The following AMZ1 variants were observed in gnomAD, a reference collection of about 807,000 sequenced individuals.
The protein encoded by AMZ1 is archaelysin family metallopeptidase 1.
AMZ1 carries 39 observed loss-of-function variants against 29.9 expected under a neutral mutation model. The observed-to-expected ratio is 1.30, with a 90% CI of 1.01 to 1.70. The LOEUF (loss-of-function observed/expected upper bound fraction) is 1.70, where lower values mean the gene tolerates loss of function less well. Among genes scored for constraint, AMZ1 ranks in the 40% most tolerant of loss-of-function variants. AMZ1 has a pLI of 0.00. For missense variants in AMZ1, 1,041 were observed against 680.6 expected (o/e 1.53, Z -5.89); for synonymous variants, 458 against 304.0 (o/e 1.51, Z -5.27).
rs898709457 is a variant in AMZ1, at chr7:2,713,348, G to C, written c.*470G>C. 2.0e-5 allele frequency: 3 copies of C among 152,970 alleles called. No individual in the cohort carries two copies. Among genetic ancestry groups the C allele is most frequent in the African/African-American group, 7.2e-5 (3 of 41,492 alleles). 9.5% of individuals were successfully genotyped at this position (152,970 alleles called of 1,614,324 possible). ...TCCCAGGGGCCTGCACACATGGAGA[G>C]GCCTCCCTGATCCTGGGTGCTTCTC... On this transcript the variant is annotated 3_prime_UTR_variant, in exon 7 of 7. Transcript: ENST00000683327.
intron 1 of AMZ1, among the ~76,000 whole-genome samples, chr7:2,695,888 T>C (rs1480405365): frequency 6.6e-6 from 1 of 151,232 alleles, no homozygotes; most frequent in African/African-American, 2.4e-5. Context: ...CGGGCACCTG[T>C]AGTCCCAGCT....
chr7:2,709,495 T>TG (rs1397197152), intron 5 of AMZ1, 145 bp from the exon 6 acceptor site: 1 of 1,306,236 alleles, frequency 7.7e-7, no homozygotes, highest in African/African-American at 1.5e-5. Context: ...CTGTGCCGCC[T>TG]GGGGCAGGGG....
upstream of AMZ1, among the ~76,000 whole-genome samples, chr7:2,687,748 C>G (rs546354323): frequency 5.3e-5 from 8 of 151,762 alleles, no homozygotes; most frequent in Admixed American, 5.2e-4. Flanking sequence ...ACCTGGTGGC[C>G]TCGTTCACCC....
At chr7:2,749,215 T>C (rs1409374720) in intron 4 of AMZ1, among the ~76,000 whole-genome samples, 9 of 152,214 alleles carry the variant, frequency 5.9e-5, no homozygotes, top group African/African-American at 2.2e-4. Context: ...TGCACACGTG[T>C]GTTTATTGCG....
intron 4 of AMZ1, among the ~76,000 whole-genome samples, chr7:2,732,252 A>G (rs1264253656): frequency 1.3e-5 from 2 of 152,298 alleles, no homozygotes; most frequent in East Asian, 3.9e-4. Context: ...TTGACTTTGC[A>G]CTATTAATAA....
intron 1 of AMZ1, among the ~76,000 whole-genome samples, chr7:2,695,390 T>C (rs540012142): frequency 6.6e-6 from 1 of 152,226 alleles, no homozygotes; most frequent in South Asian, 2.1e-4. Flanking sequence ...GGGGCCCTGC[T>C]TCCCATGGTG....
chr7:2,707,737 A>T (rs1197244881), intron 3 of AMZ1, among the ~76,000 whole-genome samples: 3 of 150,878 alleles, frequency 2.0e-5, no homozygotes, highest in Non-Finnish European at 4.4e-5. Context: ...TCCTTGGCTA[A>T]TGGTCCTTCC....
intron 3 of AMZ1, among the ~76,000 whole-genome samples, chr7:2,708,119 GGCCT>G (rs1352550932): frequency 6.6e-6 from 1 of 152,112 alleles, no homozygotes; most frequent in Non-Finnish European, 1.5e-5. Flanking sequence ...CACTGTGCCC[GGCCT>G]TACCGAGGGT....
At chr7:2,764,196 C>T (rs865774515), upstream of AMZ1, among the ~76,000 whole-genome samples, 28 of 151,860 alleles carry the variant, frequency 1.8e-4, no homozygotes, top group South Asian at 1.0e-3. Context: ...CCTCAGCCTC[C>T]TGAGTAGCTG....
At chr7:2,690,027 G>T (rs999353035) in intron 1 of AMZ1, among the ~76,000 whole-genome samples, 1 of 152,182 alleles carries the variant, frequency 6.6e-6, no homozygotes, top group East Asian at 1.9e-4. Flanking sequence ...CCACGAAGAC[G>T]AATGTGGCCA....
chr7:2,759,520 G>C (rs554684489), intron 4 of AMZ1, among the ~76,000 whole-genome samples: 1 of 152,336 alleles, frequency 6.6e-6, no homozygotes, highest in East Asian at 1.9e-4. Flanking sequence ...AAAAAGACAA[G>C]TAAAAGGAAA....
At chr7:2,709,396 A>T (rs949397975) in intron 5 of AMZ1, 152 bp downstream of exon 5, 1 of 1,049,560 alleles carries the variant, frequency 9.5e-7, no homozygotes, top group Non-Finnish European at 1.3e-6. Flanking sequence ...ACAGCTATGA[A>T]GCAGCAGGGG....
chr7:2,697,601 T>G (rs1191420445), intron 1 of AMZ1, among the ~76,000 whole-genome samples: 2 of 151,902 alleles, frequency 1.3e-5, no homozygotes, highest in Non-Finnish European at 2.9e-5. Context: ...TTTTTTGTGT[T>G]TTTAGTAGAG....
chr7:2,700,817 G>C (rs1036589082), intron 2 of AMZ1, 62 bp downstream of exon 2: 58 of 1,563,198 alleles, frequency 3.7e-5, no homozygotes, highest in Admixed American at 6.9e-5. Context: ...TAGCACAAGT[G>C]GGGGATGTCT....
upstream of AMZ1, among the ~76,000 whole-genome samples, chr7:2,764,380 G>C (rs1462872410): frequency 6.6e-6 from 1 of 152,062 alleles, no homozygotes. Context: ...CCCGCATCCA[G>C]GCAGTCTGGT....
chr7:2,756,790 AGTT>A (rs1791319551), intron 4 of AMZ1, among the ~76,000 whole-genome samples: 1 of 152,190 alleles, frequency 6.6e-6, no homozygotes, highest in Admixed American at 6.5e-5. Flanking sequence ...GGTTACTTTA[AGTT>A]AGTCAAAGAG....
rs1790817528 is a variant in AMZ1 at position 2,747,355 on chromosome 7, G to C, written n.551-17357G>C. Among the ~76,000 whole-genome samples the C allele has an allele frequency of 2.0e-5, 3 of 152,196 alleles. No homozygotes were observed. The South Asian group carries it at 6.2e-4, about 31-fold the overall frequency. On this transcript the variant is annotated intron_variant and non_coding_transcript_variant, in intron 4 of 4. Transcript: ENST00000489665. ...GTTGGGCTTCATCCCTGGGATGCAA[G>C]GCTGGTTCAACATATGCAAATCAAT...
chr7:2,700,348 G>C lies in AMZ1; in HGVS notation c.-104G>C. On this transcript the variant is annotated 5_prime_UTR_variant, in exon 2 of 7. Transcript: ENST00000683327. The stretch of plus-strand genomic sequence containing the variant: ...GCAGGGAGCCCCCGGTAGCCACTCG[G>C]ATCAGCCCGAGGGAAGATTCTGGAC... 7 of 1,377,422 alleles carry C rather than the reference G, an allele frequency of 5.1e-6. No individual in the cohort carries two copies. Among genetic ancestry groups the C allele is most frequent in the Non-Finnish European group, 6.8e-6 (7 of 1,026,036 alleles). The allele number at this position is 1,377,422 out of a possible 1,614,324, so 85.3% of individuals were successfully genotyped here.
At chr7:2,746,748 T>G (rs1790781819) in intron 4 of AMZ1, among the ~76,000 whole-genome samples, 1 of 151,644 alleles carries the variant, frequency 6.6e-6, no homozygotes, top group Admixed American at 6.6e-5. Flanking sequence ...TTTGAAAAGA[T>G]CAACAAAACT....
Sources: allele counts gnomAD v4.1 joint callset (sites outside exome capture counted in the v4.1 genomes callset), GRCh38; gene constraint gnomAD v4.1.1; transcripts MANE v1.5; gene names NCBI Gene and HGNC (gene_info 2026-07-23, HGNC 2026-07-21).